Variants in RNF217 observed in about 807,000 individuals in gnomAD.
The protein encoded by RNF217 is E3 ubiquitin-protein ligase RNF217.
A neutral mutation model predicts 57.8 loss-of-function variants in RNF217; 31 were observed. The observed-to-expected ratio is 0.54, with a 90% CI of 0.40 to 0.72. The LOEUF is 0.72. Among genes scored for constraint, RNF217 ranks in the 30% least tolerant of loss-of-function variants. RNF217 has a pLI of 0.00. For synonymous variants in RNF217, 313 were observed against 294.0 expected, an observed-to-expected ratio of 1.06 and a Z score of -0.66; for missense variants, 696 against 708.3, an observed-to-expected ratio of 0.98 and a Z score of 0.20.
rs575777195 is a variant in RNF217 at position 124,981,087 on chromosome 6, G to A, written c.882+17661G>A. On this transcript the variant is annotated intron_variant, in intron 1 of 5. Transcript: ENST00000521654. ...AATTTAAAATATTTTCAAATTAGAT[G>A]GTGTGAGCAGTCACAGACACTATAT... Among the ~76,000 whole-genome samples, 7 of 152,232 alleles carry A rather than the reference G, an allele frequency of 4.6e-5. No individual in the cohort carries two copies. The East Asian group carries it at 1.3e-3, about 29-fold the overall frequency.
chr6:125,013,351 A>ATGTGTGTGTGTGTG (rs61504994), intron 1 of RNF217, among the ~76,000 whole-genome samples: 3 of 141,212 alleles, frequency 2.1e-5, no homozygotes, highest in South Asian at 2.3e-4. Context: ...TGTTTTGTGT[A>ATGTGTGTGTGTGTG]TGTGTGTGTG....
At chr6:124,982,813 G>A (rs1231046751) in intron 1 of RNF217, among the ~76,000 whole-genome samples, 1 of 152,138 alleles carries the variant, frequency 6.6e-6, no homozygotes, top group Non-Finnish European at 1.5e-5. Context: ...AAAAGTTGAT[G>A]ACTTTATGGT....
At chr6:125,080,894 T>G (rs1180696358) in intron 4 of RNF217, among the ~76,000 whole-genome samples, 1 of 152,138 alleles carries the variant, frequency 6.6e-6, no homozygotes, top group Admixed American at 6.6e-5. Flanking sequence ...CTCTAACATC[T>G]TGAAACGTCC....
intron 5 of RNF217, 103 bp downstream of exon 5, chr6:125,081,610 T>C: frequency 1.1e-6 from 1 of 924,590 alleles, no homozygotes; most frequent in South Asian, 1.6e-5. Flanking sequence ...GTGGACATAA[T>C]TTATGTTGTA....
intron 3 of RNF217, among the ~76,000 whole-genome samples, chr6:125,073,364 G>T (rs1788224313): frequency 6.6e-6 from 1 of 152,158 alleles, no homozygotes; most frequent in South Asian, 2.1e-4. Flanking sequence ...AAGCTAAAGG[G>T]CTTAAGCTTC....
chr6:125,041,046 C>G (rs1786859368), intron 1 of RNF217, among the ~76,000 whole-genome samples: 1 of 152,078 alleles, frequency 6.6e-6, no homozygotes, highest in Non-Finnish European at 1.5e-5. Context: ...GACAAGGATG[C>G]TCTCTCTCAC....
At chr6:125,058,405 A>G (rs1787604449) in intron 3 of RNF217, among the ~76,000 whole-genome samples, 1 of 152,188 alleles carries the variant, frequency 6.6e-6, no homozygotes, top group African/African-American at 2.4e-5. Flanking sequence ...GGAAAAATAT[A>G]GCGTAAAAGT....
chr6:125,015,723 A>C (rs1380102950), intron 1 of RNF217, among the ~76,000 whole-genome samples: 2 of 152,090 alleles, frequency 1.3e-5, no homozygotes, highest in African/African-American at 4.8e-5. Flanking sequence ...TAATGTAAAA[A>C]GAGACATGAC....
At chr6:125,036,669 T>C (rs1786633698) in intron 1 of RNF217, among the ~76,000 whole-genome samples, 1 of 151,808 alleles carries the variant, frequency 6.6e-6, no homozygotes, top group Non-Finnish European at 1.5e-5. Context: ...CGTAAACATA[T>C]TTACAAGAAA....
Position 124,963,271 on chromosome 6 carries a change from C to A in RNF217, c.727C>A (p.Pro243Thr). 2 of 1,536,048 alleles carry A rather than the reference C, an allele frequency of 1.3e-6. No homozygotes were observed. Among genetic ancestry groups the A allele is most frequent in the Non-Finnish European group, 1.7e-6 (2 of 1,146,880 alleles). Residue 243 changes from proline (P) to threonine (T), a missense_variant, in exon 1 of 6, where the codon CCA becomes ACA. Transcript: ENST00000521654. ...CTCCATGCCCAGCCTGTTGGGAGCT[C>A]CACCCTACTCTGGCCTGGGCGGTGT... ...PFSMPSLLGA[P>T]PYSGLGGVGD...
intron 2 of RNF217, among the ~76,000 whole-genome samples, chr6:125,049,101 T>G (rs1279090423): frequency 6.6e-6 from 1 of 152,004 alleles, no homozygotes; most frequent in African/African-American, 2.4e-5. Context: ...GAAATCTAAT[T>G]TCTAACCTGA....
In RNF217 at chr6:125,084,019, A is replaced by G. The variant is rs963346358; in HGVS notation, c.*1082A>G. 1 of 152,086 alleles carries G rather than the reference A, an allele frequency of 6.6e-6. No homozygotes were observed. The highest frequency in any genetic ancestry group is 6.6e-5 in the Admixed American group (1 of 15,248). 9.4% of individuals were successfully genotyped at this position (152,086 alleles called of 1,614,324 possible). On this transcript the variant is annotated 3_prime_UTR_variant, in exon 6 of 6. Transcript: ENST00000521654. ...TCCTATTCTGCTAATTTTTTAACCA[A>G]CTTGTAATTATAGATAATTCTGCTT...
rs974423731 is a variant in RNF217 at position 125,090,336 on chromosome 6, A to G, written c.*7399A>G. 3.4e-4 allele frequency: 52 copies of G among 152,212 alleles called. No homozygotes were observed. The highest frequency in any genetic ancestry group is 1.2e-3 in the African/African-American group (51 of 41,584). 9.4% of individuals were successfully genotyped at this position (152,212 alleles called of 1,614,324 possible). The stretch of plus-strand genomic sequence containing the variant: ...TTTCTGTAGAAGGAACACAACAGTG[A>G]TGTTAAAATGTTAACAAAGAACCAG... On this transcript the variant is annotated 3_prime_UTR_variant, in exon 6 of 6. Coordinates refer to ENST00000521654, the MANE Select transcript of RNF217 (RefSeq NM_001286398.3).
chr6:125,024,176 A>C (rs1785970872), intron 1 of RNF217, among the ~76,000 whole-genome samples: 1 of 152,236 alleles, frequency 6.6e-6, no homozygotes, highest in Admixed American at 6.5e-5. Flanking sequence ...GATGTAAATG[A>C]TTGTTTGAAG....
At chr6:124,966,417 G>A (rs1471667665) in intron 1 of RNF217, among the ~76,000 whole-genome samples, 4 of 152,136 alleles carry the variant, frequency 2.6e-5, no homozygotes, top group Non-Finnish European at 5.9e-5. Flanking sequence ...CATCAAAAGG[G>A]CATAGTGAGT....
At chr6:125,061,545 T>A (rs993287326) in intron 3 of RNF217, among the ~76,000 whole-genome samples, 1 of 151,736 alleles carries the variant, frequency 6.6e-6, no homozygotes, top group African/African-American at 2.4e-5. Context: ...TTTATTTAGA[T>A]ATTTAAACTC....
At chr6:125,033,197 CTT>C (rs200597285) in intron 1 of RNF217, among the ~76,000 whole-genome samples, 4 of 140,768 alleles carry the variant, frequency 2.8e-5, no homozygotes, top group Admixed American at 7.1e-5. Flanking sequence ...ATTCTGTGTT[CTT>C]TTTTTTTTTT....
intron 1 of RNF217, among the ~76,000 whole-genome samples, chr6:124,966,921 A>G (rs753399509): frequency 1.6e-4 from 24 of 152,254 alleles, no homozygotes; most frequent in Non-Finnish European, 2.6e-4. Context: ...TTTTCAAAAC[A>G]TAGTTCTTCT....
intron 1 of RNF217, among the ~76,000 whole-genome samples, chr6:124,975,575 C>T (rs1381273258): frequency 1.3e-5 from 2 of 152,028 alleles, no homozygotes; most frequent in East Asian, 1.9e-4. Flanking sequence ...GGACTATAGG[C>T]GTGCACCACC....
Sources: gnomAD v4.1 joint callset for allele counts (sites outside exome capture counted in the v4.1 genomes callset) on GRCh38, gnomAD v4.1.1 for gene constraint, MANE v1.5 for transcripts, NCBI Gene and HGNC (gene_info 2026-07-23, HGNC 2026-07-21) for gene names.